Variants in PHF2 observed in about 807,000 individuals in gnomAD.
PHF2 encodes the protein lysine-specific demethylase PHF2.
PHF2 carries 27 observed loss-of-function variants against 120.5 expected under a neutral mutation model. That is an observed-to-expected ratio of 0.22 (90% CI 0.17 to 0.31). The LOEUF (loss-of-function observed/expected upper bound fraction) is 0.31. Among genes scored for constraint, PHF2 ranks in the 10% least tolerant of loss-of-function variants. The probability of loss-of-function intolerance (pLI) is 1.00; values close to 1 mark genes in which losing one functional copy is unlikely to be tolerated. For missense variants in PHF2, 1,024 were observed against 1,434.8 expected (o/e 0.71, Z 4.63); for synonymous variants, 568 against 592.5 (o/e 0.96, Z 0.60).
At chr9:93,606,035 G>A (rs1321999234) in intron 1 of PHF2, among the ~76,000 whole-genome samples, 14 of 151,806 alleles carry the variant, frequency 9.2e-5, no homozygotes, top group African/African-American at 2.9e-4. Flanking sequence ...GTGCAGTGGC[G>A]TGATCTCAGC....
chr9:93,645,695 CT>C lies in PHF2; in HGVS notation c.368del (p.Phe123SerfsTer39). 6.2e-7 allele frequency: 1 copy of C among 1,612,868 alleles called. No homozygotes were observed. Among genetic ancestry groups the C allele is most frequent in the Non-Finnish European group, 8.5e-7 (1 of 1,179,610 alleles). On this transcript the variant is annotated frameshift_variant, in exon 4 of 22. Transcript: ENST00000359246. LOFTEE classifies it high-confidence loss of function. ...LTLGYMEEHG[F>X]TEPILVPKKD... is the part of the protein sequence containing the mutation. ...CGCTGGGCTACATGGAGGAGCACGG[CT>C]TCACCGAGCCCATCCTCGTCCCTAA...
rs369533145 is a variant in PHF2 at position 93,649,156 on chromosome 9, C to T, written c.546C>T (p.Tyr182=). The part of the protein sequence containing the change: ...MKLKEFVDYY[Y]STNRKRVLNV... ...TGAAGGAGTTTGTGGACTATTACTA[C>T]AGCACCAACCGCAAGCGGGTCCTCA... The change falls in exon 5 of 22, where the codon TAC becomes TAT. Residue 182 remains tyrosine, a synonymous_variant. Transcript: ENST00000359246. 5.5e-5 allele frequency: 85 copies of T among 1,551,046 alleles called. No individual in the cohort carries two copies. The Admixed American group carries it at 1.0e-3, about 19-fold the overall frequency.
intron 3 of PHF2, among the ~76,000 whole-genome samples, chr9:93,640,335 GTTC>G (rs1382790494): frequency 3.9e-5 from 6 of 152,010 alleles, no homozygotes; most frequent in East Asian, 1.9e-4. Flanking sequence ...GCTGTTTGTA[GTTC>G]TTCTTCTACA....
intron 5 of PHF2, among the ~76,000 whole-genome samples, chr9:93,652,843 C>T (rs1045466611): frequency 5.9e-5 from 9 of 152,200 alleles, no homozygotes. Flanking sequence ...CAGTGTGCCA[C>T]AGCACATGGC....
At chr9:93,619,377 T>A (rs1423494978) in intron 1 of PHF2, among the ~76,000 whole-genome samples, 1 of 151,972 alleles carries the variant, frequency 6.6e-6, no homozygotes, top group East Asian at 1.9e-4. Flanking sequence ...TGATTCGGCG[T>A]CCTGGGCTGG....
At chr9:93,594,240 C>T (rs1450885254) in intron 1 of PHF2, among the ~76,000 whole-genome samples, 1 of 149,644 alleles carries the variant, frequency 6.7e-6, no homozygotes, top group African/African-American at 2.5e-5. Context: ...TGCAGCCTAT[C>T]TGCCTGTGTT....
Position 93,677,563 on chromosome 9 carries a change from T to C in PHF2, c.3203-25T>C. ...TGCCATCTAGCTTACCTTCCCTTTTTGTGTCCCCTCCCCGACTCCCCTAGG... is the reference window on the plus strand; with the variant it reads ...TGCCATCTAGCTTACCTTCCCTTTTCGTGTCCCCTCCCCGACTCCCCTAGG... On this transcript the variant is annotated intron_variant, in intron 21 of 21. Transcript: ENST00000359246. The surrounding 1 kb of genome is among the most constrained non-coding windows in gnomAD (Gnocchi z 4.4). 6.2e-7 allele frequency: 1 copy of C among 1,600,904 alleles called. No homozygotes were observed. Among genetic ancestry groups the C allele is most frequent in the Non-Finnish European group, 8.6e-7 (1 of 1,168,850 alleles).
At chr9:93,651,076 A>T in intron 5 of PHF2, among the ~76,000 whole-genome samples, 1 of 143,440 alleles carries the variant, frequency 7.0e-6, no homozygotes, top group Non-Finnish European at 1.5e-5. Flanking sequence ...ACAAAGCAGG[A>T]TCCTGTCTTT....
chr9:93,624,666 G>GTGA (rs1292006777), intron 1 of PHF2, among the ~76,000 whole-genome samples: 1 of 129,460 alleles, frequency 7.7e-6, no homozygotes, highest in Non-Finnish European at 1.6e-5. Context: ...GGTGTTGGTG[G>GTGA]TGATGGTGAT....
At chr9:93,663,679 G>A (rs375744894) in intron 14 of PHF2, 44 bp downstream of exon 14, 35 of 1,068,890 alleles carry the variant, frequency 3.3e-5, no homozygotes, top group Non-Finnish European at 4.6e-5. Context: ...GCGCATAACC[G>A]ACATCACACA....
At chr9:93,580,608 A>C (rs7023212) in intron 1 of PHF2, among the ~76,000 whole-genome samples, 84,776 of 152,058 alleles carry the variant, frequency 0.56, 24,372 homozygotes, top group African/African-American at 0.69. Flanking sequence ...CATCCTTAAC[A>C]TGTAGCTTTC....
chr9:93,636,104 T>G (rs1422679080), intron 2 of PHF2, among the ~76,000 whole-genome samples: 1 of 152,056 alleles, frequency 6.6e-6, no homozygotes, highest in Non-Finnish European at 1.5e-5. Flanking sequence ...TGGTGGTCTC[T>G]GCAGACTCAG....
rs142680375 is a variant in PHF2, at chr9:93,653,860, C to T, written c.789+495C>T. On this transcript the variant is annotated intron_variant, in intron 6 of 21. Transcript: ENST00000359246. ...AGCTGTGGGCTCCCCCAGCTGCTAA[C>T]TGAGCTTCTTCAGACCAGCTGGACC... Among the ~76,000 whole-genome samples, 4 of 152,304 alleles carry T rather than the reference C, an allele frequency of 2.6e-5. No individual in the cohort carries two copies. In the East Asian group the frequency reaches 7.8e-4, roughly 30 times the overall value.
chr9:93,677,533 C>G lies in PHF2; in HGVS notation c.3203-55C>G. ...CCCTCCCCCCCACCGGCATGCCACG[C>G]CCCTTGCCATCTAGCTTACCTTCCC... On this transcript the variant is annotated intron_variant, in intron 21 of 21. Transcript: ENST00000359246. The surrounding 1 kb of genome is among the most constrained non-coding windows in gnomAD (Gnocchi z 4.4). 7.2e-7 allele frequency: 1 copy of G among 1,379,636 alleles called. No individual in the cohort carries two copies. Among genetic ancestry groups the G allele is most frequent in the Non-Finnish European group, 1.0e-6 (1 of 970,786 alleles). The allele number at this position is 1,379,636 out of a possible 1,614,324, so 85.5% of individuals were successfully genotyped here.
At chr9:93,618,505 T>C (rs1018001335) in intron 1 of PHF2, among the ~76,000 whole-genome samples, 3 of 152,212 alleles carry the variant, frequency 2.0e-5, no homozygotes, top group Admixed American at 6.5e-5. Flanking sequence ...TACATGCATG[T>C]GCATAGATAT....
chr9:93,596,241 C>T (rs1043563369), intron 1 of PHF2, among the ~76,000 whole-genome samples: 3 of 152,006 alleles, frequency 2.0e-5, no homozygotes, highest in African/African-American at 4.8e-5. Flanking sequence ...CCTGTGCCCA[C>T]GAGTGGAGGG....
At chr9:93,633,426 TAC>T (rs1481686688) in intron 2 of PHF2, among the ~76,000 whole-genome samples, 7 of 152,212 alleles carry the variant, frequency 4.6e-5, no homozygotes, top group African/African-American at 9.7e-5. Flanking sequence ...TCCTGACTTA[TAC>T]ACAGTCAGTT....
intron 1 of PHF2, among the ~76,000 whole-genome samples, chr9:93,592,839 C>G (rs1224430151): frequency 6.6e-6 from 1 of 152,128 alleles, no homozygotes; most frequent in Non-Finnish European, 1.5e-5. Flanking sequence ...CACAGTCCAC[C>G]TGGCTGTTGT....
intron 1 of PHF2, among the ~76,000 whole-genome samples, chr9:93,615,601 T>C (rs1825718760): frequency 6.6e-6 from 1 of 151,204 alleles, no homozygotes; most frequent in African/African-American, 2.5e-5. Context: ...GGTCCCACAA[T>C]TGTTGGTGGC....
Sources: allele counts gnomAD v4.1 joint callset (sites outside exome capture counted in the v4.1 genomes callset), GRCh38; gene constraint gnomAD v4.1.1; non-coding constraint Gnocchi (gnomAD v3.1); transcripts MANE v1.5; gene names NCBI Gene and HGNC (gene_info 2026-07-23, HGNC 2026-07-21).